The following EFR3B variants were observed in gnomAD, a reference collection of about 807,000 sequenced individuals.
EFR3B encodes the protein EFR3 homolog B.
EFR3B carries 64 observed loss-of-function variants against 104.7 expected under a neutral mutation model. That is an observed-to-expected ratio of 0.61 (90% CI 0.50 to 0.75). EFR3B has a LOEUF of 0.75. Ranked by LOEUF, EFR3B falls within the 30% of genes least tolerant of loss-of-function variation. The probability of loss-of-function intolerance (pLI) is 0.00; values close to 1 mark genes in which losing one functional copy is unlikely to be tolerated. For missense variants in EFR3B, 750 were observed against 1,078.5 expected (o/e 0.70, Z 4.27); for synonymous variants, 385 against 417.9 (o/e 0.92, Z 0.96).
chr2:25,061,398 G>A (rs1240042535), intron 1 of EFR3B, among the ~76,000 whole-genome samples: 1 of 148,758 alleles, frequency 6.7e-6, no homozygotes, highest in African/African-American at 2.5e-5. Flanking sequence ...CAGGCGGGAT[G>A]CACCGTGCCC....
intron 5 of EFR3B, among the ~76,000 whole-genome samples, chr2:25,126,300 C>T (rs1053120987): frequency 6.6e-6 from 1 of 152,132 alleles, no homozygotes; most frequent in Non-Finnish European, 1.5e-5. Context: ...TCAGTACTTC[C>T]ACCCCAGCCT....
intron 5 of EFR3B, among the ~76,000 whole-genome samples, chr2:25,125,933 C>CA (rs947224936): frequency 5.1e-4 from 76 of 149,114 alleles, no homozygotes; most frequent in African/African-American, 1.3e-3. Flanking sequence ...GACTCCGTCT[C>CA]AAAAAAAAAC....
At chr2:25,132,133 G>A (rs555415102) in intron 10 of EFR3B, among the ~76,000 whole-genome samples, 1 of 152,198 alleles carries the variant, frequency 6.6e-6, no homozygotes, top group African/African-American at 2.4e-5. Flanking sequence ...GCATCCAACC[G>A]GGCCCCTGTA....
At position 25,141,367 on chromosome 2, in the gene EFR3B, T is replaced by A; in HGVS notation, c.1856T>A (p.Val619Glu). ...VPAFCQHIHE[V>E]IETRKKEAPY... is the part of the protein sequence containing the mutation. ...TATCTGATTCCTCCCAACCGCCAGG[T>A]GATAGAGACCAGGAAGAAAGAGGCT... Residue 619 changes from valine to glutamate, a missense_variant and splice_region_variant, in exon 17 of 23, where the codon GTG becomes GAG. Physicochemically the swap from Val to Glu is moderately radical, Grantham distance 121. Transcript: ENST00000403714. The A allele has an allele frequency of 6.4e-7, 1 of 1,551,270 alleles. No homozygotes were observed. The highest frequency in any genetic ancestry group is 8.7e-7 in the Non-Finnish European group (1 of 1,146,774).
At position 25,130,032 on chromosome 2, in the gene EFR3B, G is replaced by A; in HGVS notation, c.693G>A (p.Leu231=). Residue 231 remains leucine (L), a synonymous_variant, in exon 7 of 23, where the codon CTG becomes CTA. Coordinates refer to ENST00000403714, the MANE Select transcript of EFR3B (RefSeq NM_014971.2). This position sits in a 1 kb window ranked among gnomAD's most constrained non-coding sequence, Gnocchi z 4.6. ...PEKEKESPAE[L]AERCLRELLG... ...AGGAGAAAGAGAGCCCCGCGGAGCT[G>A]GCTGAGAGGTGTCTTCGGGAGCTGC... 1 of 1,551,786 alleles carries A rather than the reference G, an allele frequency of 6.4e-7. No individual in the cohort carries two copies. The highest frequency in any genetic ancestry group is 8.7e-7 in the Non-Finnish European group (1 of 1,147,012).
At chr2:25,133,560 G>A in intron 12 of EFR3B, 126 bp downstream of exon 12, 1 of 1,041,996 alleles carries the variant, frequency 9.6e-7, no homozygotes. Context: ...CCAGTCGGTT[G>A]AGTCGGGGCT....
At chr2:25,092,944 A>T in intron 2 of EFR3B, 59 bp from the exon 3 acceptor site, 4 of 1,519,356 alleles carry the variant, frequency 2.6e-6, no homozygotes, top group Non-Finnish European at 3.5e-6. Flanking sequence ...TTTTCTCTAG[A>T]CTTGAACTCG....
intron 5 of EFR3B, among the ~76,000 whole-genome samples, chr2:25,126,136 G>T (rs1449101554): frequency 1.3e-5 from 2 of 152,188 alleles, no homozygotes; most frequent in Non-Finnish European, 2.9e-5. Flanking sequence ...TGCGGCTTGC[G>T]CATGGGCAGG....
At chr2:25,063,778 C>A (rs560407963) in intron 1 of EFR3B, among the ~76,000 whole-genome samples, 1 of 152,318 alleles carries the variant, frequency 6.6e-6, no homozygotes, top group East Asian at 1.9e-4. Flanking sequence ...GTGGCAGTAA[C>A]AGGGTCACCC....
chr2:25,142,976 G>T (rs1670714260), intron 17 of EFR3B, among the ~76,000 whole-genome samples: 1 of 150,656 alleles, frequency 6.6e-6, no homozygotes, highest in African/African-American at 2.4e-5. Flanking sequence ...GGCTGGGCAT[G>T]GCGGCTCATG....
At chr2:25,141,110 A>G (rs977622884) in intron 16 of EFR3B, among the ~76,000 whole-genome samples, 2 of 151,824 alleles carry the variant, frequency 1.3e-5, no homozygotes, top group Admixed American at 1.3e-4. Context: ...TTAAGAGTTA[A>G]GTTCCCTGCA....
chr2:25,100,787 C>T (rs1351656554), intron 3 of EFR3B, among the ~76,000 whole-genome samples: 7 of 152,088 alleles, frequency 4.6e-5, no homozygotes, highest in African/African-American at 1.4e-4. Context: ...CCACAGCGCC[C>T]GGCCTCCCCT....
intron 4 of EFR3B, among the ~76,000 whole-genome samples, chr2:25,116,653 C>T (rs557148348): frequency 8.0e-5 from 12 of 149,220 alleles, no homozygotes; most frequent in Non-Finnish European, 1.2e-4. Flanking sequence ...TTTGAAGATT[C>T]GAAACTAATA....
At chr2:25,091,735 G>A (rs1669130067) in intron 2 of EFR3B, among the ~76,000 whole-genome samples, 1 of 152,176 alleles carries the variant, frequency 6.6e-6, no homozygotes, top group Admixed American at 6.5e-5. Flanking sequence ...AACTCTTTGA[G>A]TGATCGTAGC....
chr2:25,151,788 A>T, intron 20 of EFR3B, 126 bp from the exon 21 acceptor site: 1 of 1,046,682 alleles, frequency 9.6e-7, no homozygotes, highest in Non-Finnish European at 1.4e-6. Flanking sequence ...CCTCCACGCC[A>T]CTGTCCCCTA....
intron 16 of EFR3B, among the ~76,000 whole-genome samples, chr2:25,140,911 T>C (rs1055839500): frequency 3.9e-5 from 6 of 151,964 alleles, no homozygotes; most frequent in Non-Finnish European, 8.8e-5. Flanking sequence ...CGTGGTGGCA[T>C]GCACCTGCAG....
chr2:25,048,420 G>A (rs1305531599), intron 1 of EFR3B, among the ~76,000 whole-genome samples: 4 of 152,088 alleles, frequency 2.6e-5, no homozygotes, highest in South Asian at 2.1e-4. Context: ...TCTACATAAC[G>A]GTGCACTGAA....
At chr2:25,081,731 A>C in intron 1 of EFR3B, 1 of 468,074 alleles carries the variant, frequency 2.1e-6, no homozygotes, top group Non-Finnish European at 3.7e-6. Flanking sequence ...CTGCAGCCGC[A>C]CAGGCCCCTG....
rs61165171 is a variant in EFR3B, at chr2:25,153,897, G to A, written c.2348+136G>A. The A allele has an allele frequency of 5.6e-4, 530 of 950,862 alleles. 1 individual carries two copies. In the African/African-American group the frequency reaches 7.9e-3, roughly 14 times the overall value. The allele number at this position is 950,862 out of a possible 1,614,324, so 58.9% of individuals were successfully genotyped here. On this transcript the variant is annotated intron_variant, in intron 22 of 22. Transcript: ENST00000403714. Reference sequence around the variant, plus strand: ...TACCACTGTAATCTCTATCCCCTGGGCTGGAGTCAGCCACCAACTCTAACC... The same window carrying A: ...TACCACTGTAATCTCTATCCCCTGGACTGGAGTCAGCCACCAACTCTAACC...
Sources: gnomAD v4.1 joint callset for allele counts (sites outside exome capture counted in the v4.1 genomes callset) on GRCh38, gnomAD v4.1.1 for gene constraint, Gnocchi (gnomAD v3.1) non-coding constraint, MANE v1.5 for transcripts, NCBI Gene and HGNC (gene_info 2026-07-23, HGNC 2026-07-21) for gene names.